Variants in BCAS1 observed in about 807,000 individuals in gnomAD.
BCAS1 encodes brain enriched myelin associated protein 1, also known as breast carcinoma-amplified sequence 1.
BCAS1 carries 46 observed loss-of-function variants against 65.4 expected under a neutral mutation model. The ratio of observed to expected loss-of-function variants is 0.70; its 90% CI spans 0.55 to 0.90. The LOEUF (loss-of-function observed/expected upper bound fraction) is 0.90. Ranked by LOEUF, BCAS1 falls within the 40% of genes least tolerant of loss-of-function variation. The pLI is 0.00. For missense variants in BCAS1, 793 were observed against 771.2 expected (o/e 1.03, Z -0.33); for synonymous variants, 298 against 293.5 (o/e 1.02, Z -0.16).
intron 1 of BCAS1, among the ~76,000 whole-genome samples, chr20:54,062,090 A>T (rs982538039): frequency 1.3e-5 from 2 of 152,218 alleles, no homozygotes; most frequent in South Asian, 2.1e-4. Flanking sequence ...ATTGTCTATG[A>T]TGGCTTTCAT....
chr20:54,000,040 GT>G (rs1201166498), intron 4 of BCAS1, among the ~76,000 whole-genome samples: 1 of 152,086 alleles, frequency 6.6e-6, no homozygotes, highest in Non-Finnish European at 1.5e-5. Context: ...CAATGGCCAC[GT>G]TTTCATCGAG....
chr20:54,035,210 A>T (rs541672750), intron 3 of BCAS1, among the ~76,000 whole-genome samples: 1 of 150,786 alleles, frequency 6.6e-6, no homozygotes, highest in East Asian at 1.9e-4. Flanking sequence ...CAGGAGATCG[A>T]GAACACGGTG....
intron 8 of BCAS1, among the ~76,000 whole-genome samples, chr20:53,979,271 G>C (rs1280184331): frequency 1.3e-5 from 2 of 152,126 alleles, no homozygotes; most frequent in Admixed American, 1.3e-4. Flanking sequence ...GAATTTACCA[G>C]GAGCAATAAG....
intron 4 of BCAS1, among the ~76,000 whole-genome samples, chr20:54,022,846 T>C (rs1250355552): frequency 2.6e-5 from 4 of 152,232 alleles, no homozygotes; most frequent in Admixed American, 2.0e-4. Context: ...CATACCTAGG[T>C]CACCCAGGCT....
rs550800347 is a variant in BCAS1, at chr20:54,044,366, C to A, written c.142+13719G>T. ...GTGCTGCCTTGTTTTCTTCTCCATC[C>A]AAAGAGGCAAAGAGAAAGTTGCATA... On this transcript the variant is annotated intron_variant, in intron 3 of 12. Transcript: ENST00000688948. Among the ~76,000 whole-genome samples the A allele has an allele frequency of 2.1e-3, 316 of 152,138 alleles. 1 individual carries two copies. The highest frequency in any genetic ancestry group is 0.014 in the Middle Eastern group (4 of 294).
intron 4 of BCAS1, among the ~76,000 whole-genome samples, chr20:54,016,835 C>T (rs1453542796): frequency 6.6e-6 from 1 of 152,130 alleles, no homozygotes; most frequent in African/African-American, 2.4e-5. Flanking sequence ...AAGAGAGAGG[C>T]AATGTTAATT....
chr20:53,950,318 C>A (rs540327533), intron 12 of BCAS1, among the ~76,000 whole-genome samples: 4 of 152,230 alleles, frequency 2.6e-5, no homozygotes, highest in Non-Finnish European at 5.9e-5. Flanking sequence ...GCTGTCCCCT[C>A]CTCCTGGAAG....
intron 7 of BCAS1, among the ~76,000 whole-genome samples, chr20:53,987,242 G>A (rs974207596): frequency 5.3e-5 from 8 of 152,200 alleles, no homozygotes; most frequent in Non-Finnish European, 8.8e-5. Context: ...AAGAACTGAC[G>A]TCTGGAAATG....
chr20:53,947,813 C>T (rs369867479), intron 12 of BCAS1, among the ~76,000 whole-genome samples: 2 of 152,152 alleles, frequency 1.3e-5, no homozygotes, highest in East Asian at 3.8e-4. Context: ...CAGCGGTGCC[C>T]GACTCATCTC....
chr20:54,007,257 A>T (rs746033510), intron 4 of BCAS1, among the ~76,000 whole-genome samples: 1 of 152,222 alleles, frequency 6.6e-6, no homozygotes, highest in Non-Finnish European at 1.5e-5. Flanking sequence ...CCAGGGCTAG[A>T]CATACAGGGG....
intron 3 of BCAS1, among the ~76,000 whole-genome samples, chr20:54,029,403 G>A (rs140524540): frequency 6.6e-4 from 100 of 152,244 alleles, no homozygotes; most frequent in Non-Finnish European, 1.1e-3. Flanking sequence ...TCTTTGTTAG[G>A]GAGGCTCATC....
intron 4 of BCAS1, among the ~76,000 whole-genome samples, chr20:54,000,039 C>T (rs1198279588): frequency 2.6e-5 from 4 of 152,146 alleles, no homozygotes; most frequent in African/African-American, 7.2e-5. Flanking sequence ...CCAATGGCCA[C>T]GTTTTCATCG....
At chr20:53,964,206 A>G (rs2089966907) in intron 10 of BCAS1, among the ~76,000 whole-genome samples, 1 of 152,218 alleles carries the variant, frequency 6.6e-6, no homozygotes, top group African/African-American at 2.4e-5. Context: ...TGTTCTAAAG[A>G]ATCAGGCGGT....
chr20:54,029,127 A>G lies in BCAS1; in HGVS notation c.143-155T>C, dbSNP rs377340385. Reference sequence around the variant, plus strand: ...TGAAAGGCAGAAGTTAGCTCTCTACATCTCCTTGGACCCTGCTTTTCTTGG... The same window carrying G: ...TGAAAGGCAGAAGTTAGCTCTCTACGTCTCCTTGGACCCTGCTTTTCTTGG... On this transcript the variant is annotated intron_variant, in intron 3 of 12. Transcript: ENST00000688948. 2.0e-4 allele frequency: 195 copies of G among 985,392 alleles called. 1 individual carries two copies. The African/African-American group carries it at 3.1e-3, about 16-fold the overall frequency. The allele number at this position is 985,392 out of a possible 1,614,324, so 61.0% of individuals were successfully genotyped here.
intron 9 of BCAS1, among the ~76,000 whole-genome samples, chr20:53,973,619 T>C (rs2090241779): frequency 6.6e-6 from 1 of 152,220 alleles, no homozygotes; most frequent in Non-Finnish European, 1.5e-5. Flanking sequence ...AGCTAACAGA[T>C]GCTACAGATT....
chr20:53,964,421 C>T (rs2089972886), intron 10 of BCAS1, among the ~76,000 whole-genome samples: 2 of 152,306 alleles, frequency 1.3e-5, no homozygotes, highest in South Asian at 2.1e-4. Context: ...ATTAGAATAC[C>T]TGGAATTTTA....
chr20:54,058,315 A>C (rs1200426034), intron 2 of BCAS1, among the ~76,000 whole-genome samples, 161 bp from the exon 3 acceptor site: 1 of 152,202 alleles, frequency 6.6e-6, no homozygotes, highest in African/African-American at 2.4e-5. Context: ...GCCTTGGAGA[A>C]CCAAAATAAC....
At chr20:54,038,212 C>T (rs1020652223) in intron 3 of BCAS1, among the ~76,000 whole-genome samples, 1 of 151,348 alleles carries the variant, frequency 6.6e-6, no homozygotes, top group Non-Finnish European at 1.5e-5. Flanking sequence ...CCTATGGTTA[C>T]CTTCTTATCA....
chr20:54,057,584 G>A (rs2092314400), intron 3 of BCAS1, among the ~76,000 whole-genome samples: 1 of 152,190 alleles, frequency 6.6e-6, no homozygotes, highest in Non-Finnish European at 1.5e-5. Context: ...CTGTTGTTAT[G>A]GCTGAATCAT....
Sources: gnomAD v4.1 joint callset for allele counts (sites outside exome capture counted in the v4.1 genomes callset) on GRCh38, gnomAD v4.1.1 for gene constraint, MANE v1.5 for transcripts, NCBI Gene and HGNC (gene_info 2026-07-23, HGNC 2026-07-21) for gene names.